DNAH11: variants seen among roughly 807,000 people sequenced by gnomAD.
DNAH11 encodes the protein axonemal beta dynein heavy chain 11.
DNAH11 carries 442 observed loss-of-function variants against 526.0 expected under a neutral mutation model. That is an observed-to-expected ratio of 0.84 (90% confidence interval 0.78 to 0.91). DNAH11 has a LOEUF of 0.91. DNAH11 is among the 40% of genes least tolerant of loss of function. The probability of loss-of-function intolerance (pLI) is 0.00; values close to 1 mark genes in which losing one functional copy is unlikely to be tolerated. For missense variants in DNAH11, 6,989 were observed against 5,448.7 expected, an observed-to-expected ratio of 1.28 and a Z score of -8.90; for synonymous variants, 2,461 against 1,935.9, an observed-to-expected ratio of 1.27 and a Z score of -7.12.
intron 65 of DNAH11, among the ~76,000 whole-genome samples, chr7:21,838,557 T>C (rs1189886052): frequency 6.6e-6 from 1 of 152,184 alleles, no homozygotes; most frequent in Non-Finnish European, 1.5e-5. Flanking sequence ...AGTCATATAA[T>C]ATGTGATCTT....
rs1257729950 is a variant in DNAH11, at chr7:21,738,596, A to T, written c.7646-105A>T. On this transcript the variant is annotated intron_variant, in intron 46 of 81. Coordinates refer to ENST00000409508, the MANE Select transcript of DNAH11 (RefSeq NM_001277115.2). ...CTATGAAGGGGCGATACCTGAAACCACAGGGTGGATGAAATCGACAGAAGA... is the reference window on the plus strand; with the variant it reads ...CTATGAAGGGGCGATACCTGAAACCTCAGGGTGGATGAAATCGACAGAAGA... 1.3e-5 allele frequency: 16 copies of T among 1,222,358 alleles called. No homozygotes were observed. The East Asian group carries it at 3.6e-4, about 28-fold the overall frequency. The allele number at this position is 1,222,358 out of a possible 1,614,324, so 75.7% of individuals were successfully genotyped here.
At chr7:21,812,721 C>T (rs1230853236) in intron 63 of DNAH11, among the ~76,000 whole-genome samples, 2 of 152,056 alleles carry the variant, frequency 1.3e-5, no homozygotes, top group Non-Finnish European at 2.9e-5. Context: ...CTTCAGAAGG[C>T]CCTCAAGTGA....
chr7:21,602,841 A>C (rs892917989), intron 18 of DNAH11, among the ~76,000 whole-genome samples: 1 of 152,110 alleles, frequency 6.6e-6, no homozygotes, highest in Non-Finnish European at 1.5e-5. Flanking sequence ...ATTTCTCTAT[A>C]CTTGCTCCCA....
chr7:21,806,782 T>G (rs1227064491), intron 62 of DNAH11, among the ~76,000 whole-genome samples: 1 of 152,214 alleles, frequency 6.6e-6, no homozygotes, highest in Non-Finnish European at 1.5e-5. Flanking sequence ...AGTCAATCCA[T>G]ACATATTTAT....
chr7:21,636,568 C>T (rs1027239622), intron 26 of DNAH11, among the ~76,000 whole-genome samples: 2 of 151,954 alleles, frequency 1.3e-5, no homozygotes, highest in Non-Finnish European at 2.9e-5. Flanking sequence ...GATCCCTTCT[C>T]TACTAAAAAA....
intron 79 of DNAH11, 144 bp from the exon 80 acceptor site, chr7:21,899,192 A>T: frequency 1.5e-6 from 1 of 681,542 alleles, no homozygotes; most frequent in South Asian, 1.7e-5. Flanking sequence ...GTGCCCTGCA[A>T]ATTGTCAGGG....
chr7:21,551,945 T>C (rs1052473095), intron 2 of DNAH11, among the ~76,000 whole-genome samples: 2 of 152,214 alleles, frequency 1.3e-5, no homozygotes, highest in African/African-American at 4.8e-5. Context: ...ACTTAATATA[T>C]TCCTGACCCA....
intron 28 of DNAH11, among the ~76,000 whole-genome samples, chr7:21,654,324 T>G (rs1294370957): frequency 1.3e-5 from 2 of 152,184 alleles, no homozygotes; most frequent in Non-Finnish European, 1.5e-5. Flanking sequence ...ATAAATGGGA[T>G]AATACAAGAT....
intron 28 of DNAH11, among the ~76,000 whole-genome samples, chr7:21,648,565 C>T (rs937763892): frequency 6.6e-6 from 1 of 152,166 alleles, no homozygotes; most frequent in Non-Finnish European, 1.5e-5. Context: ...GAGAAGCCAC[C>T]GATCACCAGC....
At chr7:21,797,416 T>C (rs1219055151) in intron 61 of DNAH11, among the ~76,000 whole-genome samples, 1 of 151,486 alleles carries the variant, frequency 6.6e-6, no homozygotes, top group Non-Finnish European at 1.5e-5. Context: ...ACGGGGTTTC[T>C]CTATGTTGGT....
intron 58 of DNAH11, 108 bp downstream of exon 58, chr7:21,784,648 TTA>T: frequency 1.4e-6 from 1 of 723,562 alleles, no homozygotes; most frequent in South Asian, 3.0e-5. Flanking sequence ...AAAAAGTATT[TTA>T]AAAGGAAAGA....
At chr7:21,706,199 GTAT>G (rs991619045) in intron 39 of DNAH11, among the ~76,000 whole-genome samples, 11 of 151,844 alleles carry the variant, frequency 7.2e-5, no homozygotes, top group Admixed American at 5.2e-4. Flanking sequence ...TATACTATGG[GTAT>G]TATTATCCCC....
At chr7:21,862,224 T>A (rs190579327) in intron 69 of DNAH11, among the ~76,000 whole-genome samples, 239 of 152,044 alleles carry the variant, frequency 1.6e-3, no homozygotes, top group African/African-American at 5.6e-3. Context: ...GTGCTTTGGT[T>A]TGGGGAGTGG....
In DNAH11 at chr7:21,833,727, T is replaced by TA. The variant is rs1336565109; in HGVS notation, c.10692-8811dup. Among the ~76,000 whole-genome samples, 15 of 151,786 alleles carry TA rather than the reference T, an allele frequency of 9.9e-5. No homozygotes were observed. In the East Asian group the frequency reaches 1.6e-3, roughly 16 times the overall value. On this transcript the variant is annotated intron_variant, in intron 65 of 81. Coordinates refer to ENST00000409508, the MANE Select transcript of DNAH11 (RefSeq NM_001277115.2). ...AAAAAATAAAAATAAATAAATAAAA[T>TA]AAAAAATCACAGGATGCACATAGAG...
In DNAH11 at chr7:21,543,407, C is replaced by G. The variant is rs1392488804; in HGVS notation, c.162C>G (p.Ala54=). 3.9e-6 allele frequency: 6 copies of G among 1,553,744 alleles called. No homozygotes were observed. In the South Asian group the frequency reaches 7.1e-5, roughly 18 times the overall value. The change falls in exon 1 of 82, where the codon GCC becomes GCG. Residue 54 remains alanine (A), a synonymous_variant. Coordinates refer to ENST00000409508, the MANE Select transcript of DNAH11 (RefSeq NM_001277115.2). ...CGGCCAGGAGAGCGCGGAGTTTCGCCCAAGACGCGCGGGTGCGCTTCCTCG... is the reference window on the plus strand; with the variant it reads ...CGGCCAGGAGAGCGCGGAGTTTCGCGCAAGACGCGCGGGTGCGCTTCCTCG... ...EAAARRARSF[A]QDARVRFLGG...
chr7:21,857,421 A>G lies in DNAH11; in HGVS notation c.11202+2966A>G, dbSNP rs12700314. Among the ~76,000 whole-genome samples, 1,444 of 152,326 alleles carry G rather than the reference A, an allele frequency of 9.5e-3. 9 individuals carry two copies. The highest frequency in any genetic ancestry group is 0.016 in the Non-Finnish European group (1,060 of 68,022). Reference sequence around the variant, plus strand: ...GATTTATAGATTCAATTCAGTCCCAATCAAAACACCAGAAGACATTTCCTT... The same window carrying G: ...GATTTATAGATTCAATTCAGTCCCAGTCAAAACACCAGAAGACATTTCCTT... On this transcript the variant is annotated intron_variant, in intron 68 of 81. Transcript: ENST00000409508.
chr7:21,770,587 C>A lies in DNAH11; in HGVS notation c.9103-3179C>A, dbSNP rs6956997. Among the ~76,000 whole-genome samples, 7 of 152,194 alleles carry A rather than the reference C, an allele frequency of 4.6e-5. No homozygotes were observed. In the East Asian group the frequency reaches 5.8e-4, roughly 13 times the overall value. On this transcript the variant is annotated intron_variant, in intron 55 of 81. Coordinates refer to ENST00000409508, the MANE Select transcript of DNAH11 (RefSeq NM_001277115.2). Reference sequence around the variant, plus strand: ...AGTAGTTTCCCCTGGGATGGAGGCCCAAGAGTAAATAATGCCGCTGGTAAG... The same window carrying A: ...AGTAGTTTCCCCTGGGATGGAGGCCAAAGAGTAAATAATGCCGCTGGTAAG...
chr7:21,790,308 G>C (rs1788423869), intron 61 of DNAH11, among the ~76,000 whole-genome samples: 1 of 151,998 alleles, frequency 6.6e-6, no homozygotes, highest in African/African-American at 2.4e-5. Flanking sequence ...AATTTAGCCG[G>C]GCGTCATGGC....
At chr7:21,611,811 T>C (rs1785533098) in intron 20 of DNAH11, among the ~76,000 whole-genome samples, 2 of 152,228 alleles carry the variant, frequency 1.3e-5, no homozygotes, top group Non-Finnish European at 2.9e-5. Context: ...AATGAAGATA[T>C]TTCAGGTAAA....
Sources: allele counts gnomAD v4.1 joint callset (sites outside exome capture counted in the v4.1 genomes callset), GRCh38; gene constraint gnomAD v4.1.1; transcripts MANE v1.5; gene names NCBI Gene and HGNC (gene_info 2026-07-23, HGNC 2026-07-21).